FAM184A: variants seen among roughly 807,000 people sequenced by gnomAD.
FAM184A encodes family with sequence similarity 184 member A.
FAM184A carries 99 observed loss-of-function variants against 143.8 expected under a neutral mutation model. The observed-to-expected ratio is 0.69, with a 90% CI of 0.58 to 0.81. The LOEUF is 0.81. Among genes scored for constraint, FAM184A ranks in the 40% least tolerant of loss-of-function variants. The pLI, the probability that FAM184A is intolerant of heterozygous loss-of-function variation, is 0.00. For missense variants in FAM184A, 1,217 were observed against 1,310.5 expected (o/e 0.93, Z 1.10); for synonymous variants, 427 against 446.4 (o/e 0.96, Z 0.55).
intron 9 of FAM184A, among the ~76,000 whole-genome samples, chr6:118,997,394 A>C (rs1312652971): frequency 6.6e-6 from 1 of 151,954 alleles, no homozygotes; most frequent in Admixed American, 6.6e-5. Flanking sequence ...TTCAAAGCTA[A>C]GAAAAAGAAT....
intron 1 of FAM184A, among the ~76,000 whole-genome samples, chr6:119,099,753 G>A (rs1788594366): frequency 6.6e-6 from 1 of 152,034 alleles, no homozygotes; most frequent in Admixed American, 6.6e-5. Context: ...GGAGCTTCCT[G>A]GAGGGGGGCG....
chr6:119,146,118 T>C (rs1772417081), intron 1 of FAM184A, among the ~76,000 whole-genome samples: 1 of 152,190 alleles, frequency 6.6e-6, no homozygotes, highest in Admixed American at 6.5e-5. Context: ...TTACCTTCTA[T>C]TTATGACAGG....
At chr6:119,120,233 G>C (rs1203747230) in intron 1 of FAM184A, among the ~76,000 whole-genome samples, 3 of 152,216 alleles carry the variant, frequency 2.0e-5, no homozygotes, top group African/African-American at 7.2e-5. Flanking sequence ...GGATTTGCCT[G>C]TGGTGGACAT....
At chr6:119,063,068 A>G (rs928281499) in intron 1 of FAM184A, among the ~76,000 whole-genome samples, 5 of 151,868 alleles carry the variant, frequency 3.3e-5, no homozygotes, top group African/African-American at 1.2e-4. Flanking sequence ...AAAAGGTGAA[A>G]CCCAAAAAGG....
chr6:119,138,071 T>C (rs894459896), intron 1 of FAM184A, among the ~76,000 whole-genome samples: 1 of 152,214 alleles, frequency 6.6e-6, no homozygotes, highest in Non-Finnish European at 1.5e-5. Flanking sequence ...TGAGTGTGCA[T>C]TGCTGTCTTT....
chr6:118,960,168 C>G lies in FAM184A; in HGVS notation c.3358G>C (p.Ala1120Pro). The G allele has an allele frequency of 6.2e-7, 1 of 1,613,332 alleles. No individual in the cohort carries two copies. Residue 1120 changes from alanine (A) to proline (P), a missense_variant, in exon 18 of 18, where the codon GCT becomes CCT. Ala to Pro is a conservative substitution (Grantham distance 27). Transcript: ENST00000338891. ...GGATCTGGAGAAGCCACTGGAGAAG[C>G]TTCACTCTGAGCAGGACTGAATTCA... ...KTFLSPAQSE[A>P]SPVASPDPQR...
chr6:119,076,164 GC>G (rs1787865038), intron 1 of FAM184A, among the ~76,000 whole-genome samples: 1 of 152,144 alleles, frequency 6.6e-6, no homozygotes, highest in Non-Finnish European at 1.5e-5. Context: ...TGCCAGGGAT[GC>G]TGCCAAACAT....
chr6:119,040,429 G>T (rs1786283783), intron 1 of FAM184A, among the ~76,000 whole-genome samples: 1 of 152,152 alleles, frequency 6.6e-6, no homozygotes, highest in Non-Finnish European at 1.5e-5. Context: ...ATTCCCCAGA[G>T]TAATTCCTCT....
In FAM184A at chr6:119,085,011, C is replaced by T. The variant is rs981778456; in HGVS notation, c.-201-60198G>A. 3.3e-5 allele frequency among the ~76,000 whole-genome samples: 5 copies of T among 152,224 alleles called. No individual in the cohort carries two copies. In the South Asian group the frequency reaches 1.0e-3, roughly 32 times the overall value. ...CATTTTTCCCTCCTGGGGCTCCAGGCCTGTGATGGGAGAGGTTACCTTCAA... is the reference window on the plus strand; with the variant it reads ...CATTTTTCCCTCCTGGGGCTCCAGGTCTGTGATGGGAGAGGTTACCTTCAA... On this transcript the variant is annotated intron_variant, in intron 1 of 16. Coordinates refer to the FAM184A transcript ENST00000352896.
chr6:119,071,149 T>C (rs1787671368), intron 1 of FAM184A, among the ~76,000 whole-genome samples: 1 of 152,206 alleles, frequency 6.6e-6, no homozygotes, highest in African/African-American at 2.4e-5. Context: ...CAGTCACATA[T>C]TCCTGCTGAA....
At chr6:118,967,603 T>G (rs1230374214) in intron 14 of FAM184A, among the ~76,000 whole-genome samples, 1 of 152,162 alleles carries the variant, frequency 6.6e-6, no homozygotes, top group Non-Finnish European at 1.5e-5. Context: ...CTGAATGCCT[T>G]GAACGTTAAA....
At chr6:119,049,304 C>T (rs960610591) in intron 1 of FAM184A, among the ~76,000 whole-genome samples, 5 of 152,084 alleles carry the variant, frequency 3.3e-5, no homozygotes, top group Admixed American at 6.5e-5. Flanking sequence ...AAAAATTACC[C>T]GGGCGTGGTG....
intron 1 of FAM184A, among the ~76,000 whole-genome samples, chr6:119,087,755 CA>C (rs1788257768): frequency 6.6e-6 from 1 of 152,062 alleles, no homozygotes; most frequent in Non-Finnish European, 1.5e-5. Context: ...AGTATATACC[CA>C]AAATAATTGA....
intron 1 of FAM184A, among the ~76,000 whole-genome samples, chr6:119,147,898 A>T (rs1772506011): frequency 6.6e-6 from 1 of 151,980 alleles, no homozygotes; most frequent in Non-Finnish European, 1.5e-5. Flanking sequence ...ACACCTCAAG[A>T]CTTCCCTTTT....
At chr6:119,110,866 C>G (rs1232196314) in intron 1 of FAM184A, among the ~76,000 whole-genome samples, 2 of 152,180 alleles carry the variant, frequency 1.3e-5, no homozygotes, top group Non-Finnish European at 2.9e-5. Context: ...CAAAATTTAA[C>G]GCAGTAAAAA....
At chr6:119,016,326 CTT>C (rs1785251971) in intron 5 of FAM184A, among the ~76,000 whole-genome samples, 1 of 152,128 alleles carries the variant, frequency 6.6e-6, no homozygotes, top group Non-Finnish European at 1.5e-5. Context: ...TTCTTTCACT[CTT>C]TGCAATAAAT....
intron 9 of FAM184A, among the ~76,000 whole-genome samples, chr6:119,001,379 C>T (rs1470465250): frequency 1.3e-5 from 2 of 151,760 alleles, no homozygotes; most frequent in African/African-American, 4.8e-5. Context: ...ACCTTTGGAA[C>T]CAATTAATTC....
intron 12 of FAM184A, 52 bp from the exon 13 acceptor site, chr6:118,975,260 G>C: frequency 7.8e-6 from 10 of 1,283,306 alleles, no homozygotes; most frequent in Non-Finnish European, 1.1e-5. Flanking sequence ...TTTGATTTCT[G>C]TGTTTATCTG....
intron 1 of FAM184A, among the ~76,000 whole-genome samples, chr6:119,135,440 A>G (rs1789637086): frequency 6.6e-6 from 1 of 152,230 alleles, no homozygotes; most frequent in African/African-American, 2.4e-5. Flanking sequence ...TTTAAACTCT[A>G]CAGATACATT....
Sources: allele counts gnomAD v4.1 joint callset (sites outside exome capture counted in the v4.1 genomes callset), GRCh38; gene constraint gnomAD v4.1.1; transcripts MANE v1.5; gene names NCBI Gene and HGNC (gene_info 2026-07-23, HGNC 2026-07-21).